The following ARHGAP12 variants were observed in gnomAD, a reference collection of about 807,000 sequenced individuals.
ARHGAP12 encodes Rho GTPase activating protein 12, also known as rho GTPase-activating protein 12.
ARHGAP12 carries 64 observed loss-of-function variants against 108.6 expected under a neutral mutation model. That is an observed-to-expected ratio of 0.59 (90% CI 0.48 to 0.73). ARHGAP12 has a LOEUF of 0.73. Among genes scored for constraint, ARHGAP12 ranks in the 30% least tolerant of loss-of-function variants. The pLI is 0.00. For synonymous variants in ARHGAP12, 312 were observed against 337.2 expected (o/e 0.93, Z 0.82); for missense variants, 940 against 1,005.9 (o/e 0.93, Z 0.89).
intron 3 of ARHGAP12, among the ~76,000 whole-genome samples, chr10:31,887,761 C>A (rs1358740385): frequency 6.6e-6 from 1 of 151,626 alleles, no homozygotes. Context: ...GGGTTCACCC[C>A]ATTCTCCTGC....
At chr10:31,816,471 T>A (rs1835209787) in intron 13 of ARHGAP12, among the ~76,000 whole-genome samples, 1 of 152,210 alleles carries the variant, frequency 6.6e-6, no homozygotes, top group East Asian at 1.9e-4. Context: ...GTGCAGTATC[T>A]GACTGTGTGC....
At chr10:31,807,906 C>T in intron 19 of ARHGAP12, 74 bp from the exon 20 acceptor site, 3 of 1,154,072 alleles carry the variant, frequency 2.6e-6, no homozygotes, top group Non-Finnish European at 3.5e-6. Flanking sequence ...TATTATAAAC[C>T]TAACAGTTTG....
At chr10:31,817,938 C>G in intron 12 of ARHGAP12, 52 bp from the exon 13 acceptor site, 1 of 1,307,820 alleles carries the variant, frequency 7.6e-7, no homozygotes, top group South Asian at 1.2e-5. Flanking sequence ...GTGCTTTCAG[C>G]AAAATACATG....
intron 3 of ARHGAP12, among the ~76,000 whole-genome samples, chr10:31,900,109 T>C (rs1389375954): frequency 2.0e-5 from 3 of 152,186 alleles, no homozygotes; most frequent in Non-Finnish European, 2.9e-5. Context: ...ATAATAAGCA[T>C]ATGAAAAGAT....
At position 31,805,648 on chromosome 10, in the gene ARHGAP12, TCACACA is replaced by T. The variant is rs3028478; in HGVS notation, c.*2004_*2009del. ...GTAGACTAATAAAACATTTAAGACT[TCACACA>T]CACACACACACACACACACACACAC... On this transcript the variant is annotated 3_prime_UTR_variant, in exon 20 of 20. Coordinates refer to ENST00000344936, the MANE Select transcript of ARHGAP12 (RefSeq NM_018287.7). 0.11 allele frequency: 15,195 copies of T among 144,106 alleles called. 832 individuals are homozygous for T. The highest frequency in any genetic ancestry group is 0.12 in the Admixed American group (1,798 of 14,528). 8.9% of individuals were successfully genotyped at this position (144,106 alleles called of 1,614,324 possible).
intron 1 of ARHGAP12, among the ~76,000 whole-genome samples, chr10:31,920,567 G>A (rs759403981): frequency 1.1e-4 from 17 of 149,438 alleles, no homozygotes; most frequent in African/African-American, 4.0e-4. Flanking sequence ...AAAAATCCAC[G>A]ATTTGTAAGT....
At chr10:31,908,041 G>T in intron 3 of ARHGAP12, 131 bp downstream of exon 3, 1 of 840,308 alleles carries the variant, frequency 1.2e-6, no homozygotes, top group Non-Finnish European at 1.8e-6. Context: ...CTCTAAATCA[G>T]GATAGAACCC....
rs879558885 is a variant in ARHGAP12, at chr10:31,857,468, C to A, written c.949-3262G>T. ...GATGAACAGCGTGAGGTTAAACATT[C>A]ATCTAATCAAGGTTCTAGAATAAGA... On this transcript the variant is annotated intron_variant, in intron 4 of 19. Transcript: ENST00000344936. 4.6e-5 allele frequency among the ~76,000 whole-genome samples: 7 copies of A among 152,246 alleles called. No homozygotes were observed. In the South Asian group the frequency reaches 8.3e-4, roughly 18 times the overall value.
intron 3 of ARHGAP12, among the ~76,000 whole-genome samples, chr10:31,894,282 C>A (rs1213852951): frequency 2.6e-5 from 4 of 152,028 alleles, no homozygotes; most frequent in Non-Finnish European, 5.9e-5. Flanking sequence ...AAAGGGTATT[C>A]AATTAGGAAA....
At chr10:31,850,513 A>T (rs1182626036) in intron 6 of ARHGAP12, among the ~76,000 whole-genome samples, 3 of 152,036 alleles carry the variant, frequency 2.0e-5, no homozygotes, top group Admixed American at 6.6e-5. Context: ...TAATCACTAA[A>T]TTTTTTTTAT....
intron 4 of ARHGAP12, among the ~76,000 whole-genome samples, chr10:31,859,093 T>G (rs1837010073): frequency 6.6e-6 from 1 of 151,966 alleles, no homozygotes; most frequent in African/African-American, 2.4e-5. Flanking sequence ...CCAGCAGACA[T>G]ATGGAGAGTT....
chr10:31,888,098 C>G (rs1424365823), intron 3 of ARHGAP12, among the ~76,000 whole-genome samples: 1 of 152,180 alleles, frequency 6.6e-6, no homozygotes, highest in Non-Finnish European at 1.5e-5. Context: ...CAGCTGGTGT[C>G]AATGACTGGC....
chr10:31,867,678 C>T (rs1837377681), intron 3 of ARHGAP12, among the ~76,000 whole-genome samples: 1 of 151,938 alleles, frequency 6.6e-6, no homozygotes, highest in African/African-American at 2.4e-5. Context: ...CAGTATGTTT[C>T]AAGAGTTTTA....
At chr10:31,868,196 TAA>T (rs879326927) in intron 3 of ARHGAP12, among the ~76,000 whole-genome samples, 2 of 135,096 alleles carry the variant, frequency 1.5e-5, no homozygotes, top group Admixed American at 7.5e-5. Flanking sequence ...AGACTCCATC[TAA>T]AAAAAAAAAA....
At chr10:31,858,233 G>A (rs1039666923) in intron 4 of ARHGAP12, among the ~76,000 whole-genome samples, 2 of 152,110 alleles carry the variant, frequency 1.3e-5, no homozygotes, top group Non-Finnish European at 2.9e-5. Flanking sequence ...ATTTATGACA[G>A]AAGAAGAAAA....
At chr10:31,883,970 T>C (rs1838091412) in intron 3 of ARHGAP12, among the ~76,000 whole-genome samples, 1 of 151,840 alleles carries the variant, frequency 6.6e-6, no homozygotes, top group Admixed American at 6.6e-5. Flanking sequence ...CCACGTCAGC[T>C]TCCCAAAGTG....
chr10:31,908,599 C>T lies in ARHGAP12; in HGVS notation c.257G>A (p.Gly86Asp). Reference sequence around the variant, plus strand: ...TATTTTCGTGGAGTTATTTGGCAGACCAGCTACCTGCTTAACAGGTGGCAT... The same window carrying T: ...TATTTTCGTGGAGTTATTTGGCAGATCAGCTACCTGCTTAACAGGTGGCAT... ...ALMPPVKQVAGLPNNSTKIMQ... is the reference protein window; with the variant it reads ...ALMPPVKQVADLPNNSTKIMQ... The change falls in exon 3 of 20, where the codon GGT becomes GAT. Residue 86 changes from glycine to aspartate, a missense_variant. Gly to Asp is a moderately conservative substitution (Grantham distance 94). Coordinates refer to ENST00000344936, the MANE Select transcript of ARHGAP12 (RefSeq NM_018287.7). The T allele has an allele frequency of 6.2e-7, 1 of 1,614,204 alleles. No individual in the cohort carries two copies. The highest frequency in any genetic ancestry group is 1.1e-5 in the South Asian group (1 of 91,086).
At chr10:31,899,804 T>C (rs911397569) in intron 3 of ARHGAP12, among the ~76,000 whole-genome samples, 4 of 152,180 alleles carry the variant, frequency 2.6e-5, no homozygotes, top group African/African-American at 4.8e-5. Flanking sequence ...AGGTGACTTT[T>C]GGTTTGGCAA....
At chr10:31,840,746 C>T (rs1836232787) in intron 7 of ARHGAP12, among the ~76,000 whole-genome samples, 1 of 152,168 alleles carries the variant, frequency 6.6e-6, no homozygotes, top group Middle Eastern at 3.4e-3. Flanking sequence ...GGAAAAATGT[C>T]TTCGGGTTTA....
Sources: allele counts gnomAD v4.1 joint callset (sites outside exome capture counted in the v4.1 genomes callset), GRCh38; gene constraint gnomAD v4.1.1; transcripts MANE v1.5; gene names NCBI Gene and HGNC (gene_info 2026-07-23, HGNC 2026-07-21).